ATXN2: variants seen among roughly 807,000 people sequenced by gnomAD.
ATXN2 encodes ataxin 2, also known as ataxin-2.
Under a neutral mutation model 138.6 loss-of-function variants are expected in ATXN2, and 37 were observed. That is an observed-to-expected ratio of 0.27 (90% CI 0.21 to 0.35). The LOEUF (loss-of-function observed/expected upper bound fraction) is 0.35. Among genes scored for constraint, ATXN2 ranks in the 10% least tolerant of loss-of-function variants. ATXN2 has a pLI of 1.00. For synonymous variants in ATXN2, 549 were observed against 543.7 expected, an observed-to-expected ratio of 1.01 and a Z score of -0.13; for missense variants, 1,216 against 1,480.3, an observed-to-expected ratio of 0.82 and a Z score of 2.93.
At chr12:111,470,285 T>A (rs1566009481) in intron 19 of ATXN2, 45 bp from the exon 20 acceptor site, 3 of 1,594,758 alleles carry the variant, frequency 1.9e-6, no homozygotes, top group Non-Finnish European at 2.6e-6. Context: ...ACACTGCAAA[T>A]AGAGCCAAGC....
chr12:111,505,185 A>G (rs535037471), intron 14 of ATXN2, among the ~76,000 whole-genome samples: 21 of 152,308 alleles, frequency 1.4e-4, no homozygotes, highest in African/African-American at 4.3e-4. Flanking sequence ...CTCCAGCCTA[A>G]GCAAAAGAGC....
At chr12:111,557,925 G>C (rs747220233) in intron 1 of ATXN2, among the ~76,000 whole-genome samples, 1 of 152,030 alleles carries the variant, frequency 6.6e-6, no homozygotes, top group Non-Finnish European at 1.5e-5. Context: ...CAAATGCCAC[G>C]AACTGTCCTT....
intron 14 of ATXN2, among the ~76,000 whole-genome samples, chr12:111,500,741 C>T (rs1429653816): frequency 6.6e-6 from 1 of 152,144 alleles, no homozygotes; most frequent in African/African-American, 2.4e-5. Context: ...GGCGTGGTGG[C>T]ACGTGCCTGT....
At chr12:111,470,293 A>G in intron 19 of ATXN2, 53 bp from the exon 20 acceptor site, 4 of 1,577,196 alleles carry the variant, frequency 2.5e-6, no homozygotes, top group South Asian at 1.2e-5. Context: ...AATAGAGCCA[A>G]GCAGACTTTA....
intron 1 of ATXN2, among the ~76,000 whole-genome samples, chr12:111,556,733 C>A: frequency 6.6e-6 from 1 of 151,566 alleles, no homozygotes; most frequent in East Asian, 1.9e-4. Context: ...GAAGAATCGC[C>A]TGAACCTGGG....
At chr12:111,549,089 C>A (rs1455065152) in intron 5 of ATXN2, among the ~76,000 whole-genome samples, 1 of 152,004 alleles carries the variant, frequency 6.6e-6, no homozygotes, top group African/African-American at 2.4e-5. Context: ...AAACCCATAG[C>A]TCACACCCTG....
chr12:111,457,471 C>T (rs948434780), intron 21 of ATXN2, 112 bp from the exon 22 acceptor site: 45 of 1,211,182 alleles, frequency 3.7e-5, no homozygotes, highest in Non-Finnish European at 4.6e-5. Flanking sequence ...TAACTCACGC[C>T]ACTACCAATT....
chr12:111,519,228 C>T (rs1880024353), intron 8 of ATXN2, among the ~76,000 whole-genome samples: 3 of 152,176 alleles, frequency 2.0e-5, no homozygotes, highest in Non-Finnish European at 4.4e-5. Flanking sequence ...TTTATTCACC[C>T]CATCTCCTTC....
chr12:111,490,396 G>A (rs1366067617), intron 14 of ATXN2, among the ~76,000 whole-genome samples: 1 of 152,050 alleles, frequency 6.6e-6, no homozygotes, highest in African/African-American at 2.4e-5. Flanking sequence ...TTAGGATGTG[G>A]AGGGACCGTC....
At chr12:111,465,779 A>G (rs2068102407) in intron 20 of ATXN2, among the ~76,000 whole-genome samples, 2 of 150,922 alleles carry the variant, frequency 1.3e-5, no homozygotes, top group Admixed American at 6.6e-5. Context: ...AAAAAAAAAA[A>G]AAAAAAAAAA....
At chr12:111,473,887 G>A (rs112193357) in intron 18 of ATXN2, among the ~76,000 whole-genome samples, 11 of 152,216 alleles carry the variant, frequency 7.2e-5, no homozygotes, top group African/African-American at 1.9e-4. Context: ...AATTCAGATC[G>A]TGGGAAAAAA....
At chr12:111,528,351 G>A (rs960409094) in intron 5 of ATXN2, among the ~76,000 whole-genome samples, 1 of 152,054 alleles carries the variant, frequency 6.6e-6, no homozygotes, top group African/African-American at 2.4e-5. Context: ...TACACACAAA[G>A]TAGCTTAAAT....
rs1875833059 is a variant in ATXN2 at position 111,464,335 on chromosome 12, T to TGTG, written c.2896+326_2896+327insCAC. Among the ~76,000 whole-genome samples the TGTG allele has an allele frequency of 8.5e-5, 9 of 105,838 alleles. No individual in the cohort carries two copies. In the South Asian group the frequency reaches 1.9e-3, roughly 22 times the overall value. 69.4% of individuals were successfully genotyped at this position (105,838 alleles called of 152,430 possible). A position where few individuals can be genotyped will look rare whatever the true frequency, so the allele number is the denominator to read the frequency against. ...AAGCTTGTGGCTTGGGTGTGTGTGTTTGTGTGTGTGTGTGTGTGTGTGTGT... is the reference window on the plus strand; with the variant it reads ...AAGCTTGTGGCTTGGGTGTGTGTGTTGTGTGTGTGTGTGTGTGTGTGTGTGTGT... On this transcript the variant is annotated intron_variant, in intron 21 of 24. Transcript: ENST00000673436.
chr12:111,482,188 CTATT>C (rs1229875957), intron 18 of ATXN2, among the ~76,000 whole-genome samples: 1 of 132,886 alleles, frequency 7.5e-6, no homozygotes, highest in African/African-American at 3.2e-5. Context: ...CCTTTCTCTA[CTATT>C]TTTTTTTTTT....
chr12:111,542,425 G>A (rs1374578640), intron 5 of ATXN2, among the ~76,000 whole-genome samples: 3 of 151,802 alleles, frequency 2.0e-5, no homozygotes, highest in Admixed American at 6.6e-5. Context: ...GAGCCATGTC[G>A]GCCAGGCTGG....
chr12:111,598,364 C>T lies in ATXN2; in HGVS notation c.251+420G>A. On this transcript the variant is annotated intron_variant, in intron 1 of 24. Coordinates refer to ENST00000673436, the MANE Select transcript of ATXN2 (RefSeq NM_001372574.1). This position sits in a 1 kb window ranked among gnomAD's most constrained non-coding sequence, Gnocchi z 4.5. ...GGACATGTTCCGGAAAACGCCACCACAGCCTCCAGACCCCTCCAACGTTCA... is the reference window on the plus strand; with the variant it reads ...GGACATGTTCCGGAAAACGCCACCATAGCCTCCAGACCCCTCCAACGTTCA... 1 of 991,236 alleles carries T rather than the reference C, an allele frequency of 1.0e-6. No individual in the cohort carries two copies. Among genetic ancestry groups the T allele is most frequent in the Non-Finnish European group, 1.2e-6 (1 of 833,246 alleles). 61.4% of individuals were successfully genotyped at this position (991,236 alleles called of 1,614,324 possible). A position where few individuals can be genotyped will look rare whatever the true frequency, so the allele number is the denominator to read the frequency against.
intron 1 of ATXN2, among the ~76,000 whole-genome samples, chr12:111,596,205 A>AACAAACAC (rs1884929695): frequency 7.1e-6 from 1 of 141,750 alleles, no homozygotes; most frequent in Admixed American, 7.2e-5. Context: ...TTCCATCCAA[A>AACAAACAC]ACACACACAC....
chr12:111,599,343 GC>G (rs1340884101), upstream of ATXN2: 1 of 1,162,596 alleles, frequency 8.6e-7, no homozygotes, highest in African/African-American at 1.6e-5. Context: ...CCGGGGCCGG[GC>G]GGGGGAGGGG....
At chr12:111,510,321 T>C in intron 12 of ATXN2, 64 bp downstream of exon 12, 2 of 1,508,308 alleles carry the variant, frequency 1.3e-6, no homozygotes, top group South Asian at 1.2e-5. Flanking sequence ...TTTCATATAA[T>C]ATCACCCTCT....
Sources: allele counts gnomAD v4.1 joint callset (sites outside exome capture counted in the v4.1 genomes callset), GRCh38; gene constraint gnomAD v4.1.1; non-coding constraint Gnocchi (gnomAD v3.1); transcripts MANE v1.5; gene names NCBI Gene and HGNC (gene_info 2026-07-23, HGNC 2026-07-21).